MARCHF7: variants seen among roughly 807,000 people sequenced by gnomAD.
MARCHF7 encodes the protein membrane associated ring-CH-type finger 7.
In MARCHF7, 20 loss-of-function variants were observed where a neutral mutation model predicts 76.5. The ratio of observed to expected loss-of-function variants is 0.26; its 90% CI spans 0.18 to 0.38. The LOEUF is 0.38. Ranked by LOEUF, MARCHF7 falls within the 10% of genes least tolerant of loss-of-function variation. The pLI is 1.00. For synonymous variants in MARCHF7, 295 were observed against 293.0 expected (o/e 1.01, Z -0.07); for missense variants, 797 against 812.9 (o/e 0.98, Z 0.24).
chr2:159,731,512 T>C (rs1179120084), intron 4 of MARCHF7, among the ~76,000 whole-genome samples: 2 of 151,952 alleles, frequency 1.3e-5, no homozygotes, highest in African/African-American at 2.4e-5. Context: ...CCCAGCACTT[T>C]GGGAGGCCGA....
intron 4 of MARCHF7, 45 bp from the exon 5 acceptor site, chr2:159,743,016 T>A: frequency 6.5e-7 from 1 of 1,528,540 alleles, no homozygotes; most frequent in South Asian, 1.2e-5. Context: ...AATTTAGTAC[T>A]GAATGCAGCC....
At chr2:159,717,436 A>G (rs1330105020) in intron 3 of MARCHF7, among the ~76,000 whole-genome samples, 1 of 152,216 alleles carries the variant, frequency 6.6e-6, no homozygotes, top group Non-Finnish European at 1.5e-5. Context: ...TTGAATGTGG[A>G]TAATAGTTGA....
rs189382562 is a variant in MARCHF7 at position 159,761,270 on chromosome 2, C to T, written c.1894-1610C>T. Among the ~76,000 whole-genome samples, 1,453 of 151,832 alleles carry T rather than the reference C, an allele frequency of 9.6e-3. 9 individuals are homozygous for T. Among genetic ancestry groups the T allele is most frequent in the Non-Finnish European group, 0.016 (1,063 of 67,924 alleles). On this transcript the variant is annotated intron_variant, in intron 9 of 11. Transcript: ENST00000409175. Reference sequence around the variant, plus strand: ...AACTCCTGACCTCAGGTGAGCCACCCGCCTCGGCCTCCCAAAGTGCTGGGA... The same window carrying T: ...AACTCCTGACCTCAGGTGAGCCACCTGCCTCGGCCTCCCAAAGTGCTGGGA...
intron 5 of MARCHF7, among the ~76,000 whole-genome samples, chr2:159,744,257 G>A (rs1474235774): frequency 2.0e-5 from 3 of 152,052 alleles, no homozygotes; most frequent in South Asian, 2.1e-4. Context: ...CAAAGCGCTG[G>A]GATTACAGGC....
Position 159,770,879 on chromosome 2 carries a change from T to C in MARCHF7, c.*3537T>C, listed in dbSNP as rs908812040. ...TGATACGTGACTAATTTACGTGAAA[T>C]TTATACATTCTTTATCTTTCCTGTT... On this transcript the variant is annotated 3_prime_UTR_variant, in exon 12 of 12. Transcript: ENST00000409175. 5 of 152,172 alleles carry C rather than the reference T, an allele frequency of 3.3e-5. No individual in the cohort carries two copies. The highest frequency in any genetic ancestry group is 7.4e-5 in the Non-Finnish European group (5 of 68,004). The allele number at this position is 152,172 out of a possible 1,614,324, so 9.4% of individuals were successfully genotyped here. A position where few individuals can be genotyped will look rare whatever the true frequency, so the allele number is the denominator to read the frequency against.
At chr2:159,726,478 G>A (rs1030041235) in intron 3 of MARCHF7, among the ~76,000 whole-genome samples, 18 of 151,940 alleles carry the variant, frequency 1.2e-4, no homozygotes, top group African/African-American at 3.9e-4. Context: ...TAGCCAGGAT[G>A]GTCTTGATCT....
At chr2:159,766,849 T>C (rs1232927069) in intron 11 of MARCHF7, among the ~76,000 whole-genome samples, 4 of 152,320 alleles carry the variant, frequency 2.6e-5, no homozygotes, top group Admixed American at 2.6e-4. Context: ...TCTTATTCTA[T>C]GTACACTTCT....
Position 159,743,106 on chromosome 2 carries a change from T to A in MARCHF7, c.199T>A (p.Tyr67Asn). Reference protein sequence around the residue: ...ASASPFQSAWYSESEITQGAR... With the variant: ...ASASPFQSAWNSESEITQGAR... ...TGCGTCACCATTTCAATCTGCATGG[T>A]ATAGTGAATCTGAGATAACTCAGGG... The change falls in exon 5 of 12, where the codon TAT (tyrosine) becomes AAT (asparagine). Residue 67 changes from tyrosine (Y) to asparagine (N), a missense_variant. Tyr to Asn is a moderately radical substitution (Grantham distance 143). Transcript: ENST00000409175. The A allele has an allele frequency of 6.2e-7, 1 of 1,614,128 alleles. No individual in the cohort carries two copies.
At chr2:159,715,123 C>G (rs1190554142) in intron 2 of MARCHF7, among the ~76,000 whole-genome samples, 1 of 152,124 alleles carries the variant, frequency 6.6e-6, no homozygotes, top group Non-Finnish European at 1.5e-5. Context: ...TTTTAAACAA[C>G]AAATTAACTA....
At chr2:159,729,504 C>T (rs1261155402) in intron 4 of MARCHF7, among the ~76,000 whole-genome samples, 2 of 151,820 alleles carry the variant, frequency 1.3e-5, no homozygotes, top group African/African-American at 4.8e-5. Context: ...AACCCCGTCT[C>T]GACTAAAAAT....
intron 10 of MARCHF7, among the ~76,000 whole-genome samples, chr2:159,763,946 T>C (rs966652169): frequency 1.3e-5 from 2 of 152,202 alleles, no homozygotes; most frequent in East Asian, 1.9e-4. Context: ...CTAAGTACTT[T>C]ACAAATTGTG....
At position 159,748,315 on chromosome 2, in the gene MARCHF7, C is replaced by G; in HGVS notation, c.1025C>G (p.Ser342Cys). The change falls in exon 7 of 12, where the codon TCT becomes TGT. Residue 342 changes from serine to cysteine, a missense_variant. Around this residue, in one of 3 missense-constraint regions of MARCHF7, gnomAD observed 643 missense variants for 631.5 expected, o/e 1.02. Coordinates refer to ENST00000409175, the MANE Select transcript of MARCHF7 (RefSeq NM_001282805.2). ...SASEVPDNRASEASQGFRFLR... is the reference protein window; with the variant it reads ...SASEVPDNRACEASQGFRFLR... The stretch of plus-strand genomic sequence containing the variant: ...TCTGAAGTTCCCGATAATAGGGCAT[C>G]TGAAGCTTCTCAGGGATTTCGATTT... 1 of 1,613,514 alleles carries G rather than the reference C, an allele frequency of 6.2e-7. No individual in the cohort carries two copies. Among genetic ancestry groups the G allele is most frequent in the African/African-American group, 1.3e-5 (1 of 74,994 alleles).
intron 3 of MARCHF7, among the ~76,000 whole-genome samples, chr2:159,724,883 C>G (rs1374063941): frequency 6.6e-6 from 1 of 152,124 alleles, no homozygotes; most frequent in Non-Finnish European, 1.5e-5. Context: ...GCCCTGTGTC[C>G]AAGTGTTCTC....
At chr2:159,730,416 T>G (rs865898391) in intron 4 of MARCHF7, among the ~76,000 whole-genome samples, 1 of 152,206 alleles carries the variant, frequency 6.6e-6, no homozygotes, top group Non-Finnish European at 1.5e-5. Flanking sequence ...TCGTACACAG[T>G]AGTAAGCATT....
At position 159,747,792 on chromosome 2, in the gene MARCHF7, C is replaced by T; in HGVS notation, c.515-13C>T. ...TTATTTCATGTAATTGGTTATCTTC[C>T]TTTCAAAAATAGATGTTCAAGACAG... On this transcript the variant is annotated splice_polypyrimidine_tract_variant and intron_variant, in intron 6 of 11. Coordinates refer to ENST00000409175, the MANE Select transcript of MARCHF7 (RefSeq NM_001282805.2). 6.5e-7 allele frequency: 1 copy of T among 1,543,700 alleles called. No individual in the cohort carries two copies. The highest frequency in any genetic ancestry group is 2.3e-5 in the East Asian group (1 of 44,244).
At chr2:159,749,957 CT>C (rs1039648152) in intron 7 of MARCHF7, among the ~76,000 whole-genome samples, 4 of 152,186 alleles carry the variant, frequency 2.6e-5, no homozygotes, top group African/African-American at 9.7e-5. Flanking sequence ...ACATTTCTCA[CT>C]GCAAATCTTT....
chr2:159,724,748 A>T (rs1574221196), intron 3 of MARCHF7, among the ~76,000 whole-genome samples: 1 of 152,176 alleles, frequency 6.6e-6, no homozygotes, highest in Non-Finnish European at 1.5e-5. Context: ...TTTGTTACAT[A>T]TGTATACATG....
At chr2:159,735,748 C>A (rs1291377141) in intron 4 of MARCHF7, among the ~76,000 whole-genome samples, 1 of 152,092 alleles carries the variant, frequency 6.6e-6, no homozygotes, top group African/African-American at 2.4e-5. Context: ...TGGGTTGTTT[C>A]TACCTTCTGA....
At chr2:159,724,951 C>T (rs755643940) in intron 3 of MARCHF7, among the ~76,000 whole-genome samples, 3 of 152,120 alleles carry the variant, frequency 2.0e-5, no homozygotes, top group East Asian at 1.9e-4. Flanking sequence ...CTGTCCTTGG[C>T]GATAGTTTGC....
Sources: allele counts gnomAD v4.1 joint callset (sites outside exome capture counted in the v4.1 genomes callset), GRCh38; gene constraint gnomAD v4.1.1; regional missense constraint gnomAD v4.1.1; transcripts MANE v1.5; gene names NCBI Gene and HGNC (gene_info 2026-07-23, HGNC 2026-07-21).